SRFBP1: variants seen among roughly 807,000 people sequenced by gnomAD.
SRFBP1 encodes the protein serum response factor binding protein 1.
A neutral mutation model predicts 45.5 loss-of-function variants in SRFBP1; 47 were observed. That is an observed-to-expected ratio of 1.03 (90% CI 0.82 to 1.32). The LOEUF (loss-of-function observed/expected upper bound fraction) is 1.32, where lower values mean the gene tolerates loss of function less well. SRFBP1 is among the 40% of genes most tolerant of loss of function. The probability of loss-of-function intolerance (pLI) is 0.00; values close to 1 mark genes in which losing one functional copy is unlikely to be tolerated. For synonymous variants in SRFBP1, 203 were observed against 166.3 expected (o/e 1.22, Z -1.70); for missense variants, 621 against 484.6 (o/e 1.28, Z -2.64).
intron 2 of SRFBP1, among the ~76,000 whole-genome samples, chr5:122,054,212 G>A (rs945223173): frequency 2.6e-5 from 4 of 152,152 alleles, no homozygotes; most frequent in African/African-American, 9.7e-5. Flanking sequence ...CCTCAGTCTG[G>A]GAGTGTGGTA....
Position 122,020,159 on chromosome 5 carries a change from G to A in SRFBP1, c.424G>A (p.Asp142Asn). The A allele has an allele frequency of 6.2e-7, 1 of 1,607,668 alleles. No individual in the cohort carries two copies. The highest frequency in any genetic ancestry group is 1.1e-5 in the South Asian group (1 of 89,236). The change falls in exon 6 of 8, where the codon GAC becomes AAC. Residue 142 changes from aspartate (D) to asparagine (N), a missense_variant. Coordinates refer to ENST00000339397, the MANE Select transcript of SRFBP1 (RefSeq NM_152546.3). ...EVESSKNASE[D>N]NHSENTLYSN... ...TGAGTCATCAAAGAATGCTTCAGAG[G>A]ACAATCATTCTGAGAATACTTTGTA...
chr5:122,041,276 A>G (rs886805271), intron 2 of SRFBP1, among the ~76,000 whole-genome samples: 6 of 152,170 alleles, frequency 3.9e-5, no homozygotes, highest in Admixed American at 6.5e-5. Context: ...AGTATGGTAG[A>G]GTAATTGAAA....
At chr5:122,011,745 A>C (rs1447632878) in intron 4 of SRFBP1, among the ~76,000 whole-genome samples, 1 of 152,162 alleles carries the variant, frequency 6.6e-6, no homozygotes, top group East Asian at 1.9e-4. Flanking sequence ...TAAAGAGGGA[A>C]GAAGTTAAGT....
intron 4 of SRFBP1, among the ~76,000 whole-genome samples, chr5:122,014,869 G>T (rs1753166304): frequency 1.3e-5 from 2 of 152,168 alleles, no homozygotes; most frequent in South Asian, 4.1e-4. Flanking sequence ...GAAATACCCA[G>T]TTCAGCAAAG....
chr5:122,008,729 G>T (rs1753027772), intron 4 of SRFBP1, among the ~76,000 whole-genome samples: 1 of 152,032 alleles, frequency 6.6e-6, no homozygotes, highest in Non-Finnish European at 1.5e-5. Context: ...AGAGAGTCCT[G>T]TTCTGCCATC....
rs147890447 is a variant in SRFBP1 at position 122,034,300 on chromosome 5, TTATTA to T, written n.311+11898_311+11902del. Among the ~76,000 whole-genome samples the T allele has an allele frequency of 5.1e-3, 780 of 152,310 alleles. 18 individuals carry two copies. The East Asian group carries it at 0.053, about 10-fold the overall frequency. Reference sequence around the variant, plus strand: ...CCTGCCAGATTATTTTATGCTGTAATTATTATATTTATTACATTTAGTCTGTTTTT... The same window carrying T: ...CCTGCCAGATTATTTTATGCTGTAATTATTTATTACATTTAGTCTGTTTTT... On this transcript the variant is annotated intron_variant and non_coding_transcript_variant, in intron 2 of 2. Coordinates refer to the SRFBP1 transcript ENST00000504881.
downstream of SRFBP1, among the ~76,000 whole-genome samples, chr5:122,029,709 T>G (rs944808163): frequency 1.1e-4 from 17 of 152,338 alleles, no homozygotes; most frequent in Admixed American, 7.8e-4. Flanking sequence ...TCGTTTGTTT[T>G]TCTTCTGTCA....
chr5:122,050,229 G>A (rs1413384082), intron 2 of SRFBP1, among the ~76,000 whole-genome samples: 5 of 152,062 alleles, frequency 3.3e-5, no homozygotes, highest in East Asian at 1.9e-4. Context: ...TCTCTGCCAC[G>A]TTTTGATATC....
chr5:122,018,982 C>A (rs1203585963), intron 4 of SRFBP1, among the ~76,000 whole-genome samples: 1 of 151,988 alleles, frequency 6.6e-6, no homozygotes, highest in Non-Finnish European at 1.5e-5. Context: ...ACACATGGTG[C>A]TTATCACAAT....
chr5:122,020,054 T>C lies in SRFBP1; in HGVS notation c.353-34T>C, dbSNP rs756191869. 1.1e-5 allele frequency: 15 copies of C among 1,398,000 alleles called. No individual in the cohort carries two copies. The African/African-American group carries it at 1.7e-4, about 16-fold the overall frequency. The allele number at this position is 1,398,000 out of a possible 1,614,324, so 86.6% of individuals were successfully genotyped here. The stretch of plus-strand genomic sequence containing the variant: ...AACAGTCATGTTTTATATGTTTCAG[T>C]GCTAAAATGAGTGATGCACTGTTTC... On this transcript the variant is annotated intron_variant, in intron 5 of 7. Coordinates refer to ENST00000339397, the MANE Select transcript of SRFBP1 (RefSeq NM_152546.3).
intron 2 of SRFBP1, among the ~76,000 whole-genome samples, chr5:122,050,441 G>A (rs1024291049): frequency 6.6e-6 from 1 of 151,978 alleles, no homozygotes; most frequent in African/African-American, 2.4e-5. Flanking sequence ...GTCTATTCAG[G>A]GATTCAGCTT....
downstream of SRFBP1, chr5:122,077,784 G>A (rs2152591607): frequency 6.5e-7 from 1 of 1,548,988 alleles, no homozygotes. The surrounding 1 kb of genome is among the most constrained non-coding windows in gnomAD (Gnocchi z 4.9). Flanking sequence ...TCCCGGCGGC[G>A]CTGAGGCTGG....
At chr5:122,015,948 T>TC (rs1753186439) in intron 4 of SRFBP1, among the ~76,000 whole-genome samples, 1 of 152,296 alleles carries the variant, frequency 6.6e-6, no homozygotes, top group Non-Finnish European at 1.5e-5. Flanking sequence ...TCTCCTGATA[T>TC]CCCCCCTTCA....
rs1752759468 is a variant in SRFBP1, at chr5:121,997,635, C to A, written c.270+2965C>A. ...GACTTCATATCCAAAACACCAAAAGCAATGGCAACAAAAGACAAAATTGAC... is the reference window on the plus strand; with the variant it reads ...GACTTCATATCCAAAACACCAAAAGAAATGGCAACAAAAGACAAAATTGAC... On this transcript the variant is annotated intron_variant, in intron 4 of 7. Coordinates refer to ENST00000339397, the MANE Select transcript of SRFBP1 (RefSeq NM_152546.3). 2.6e-5 allele frequency among the ~76,000 whole-genome samples: 4 copies of A among 151,560 alleles called. No individual in the cohort carries two copies. The South Asian group carries it at 6.3e-4, about 24-fold the overall frequency.
chr5:122,054,236 G>C (rs1437338451), intron 2 of SRFBP1, among the ~76,000 whole-genome samples: 2 of 152,320 alleles, frequency 1.3e-5, no homozygotes, highest in East Asian at 3.9e-4. Flanking sequence ...GTTTCTGGGA[G>C]GTCCAGGGGG....
chr5:122,002,229 A>G (rs1267813601), intron 4 of SRFBP1, among the ~76,000 whole-genome samples: 2 of 152,198 alleles, frequency 1.3e-5, no homozygotes, highest in African/African-American at 2.4e-5. Context: ...GATTAACACA[A>G]TCAGCAAGTT....
At chr5:122,050,723 G>A (rs79019911) in intron 2 of SRFBP1, among the ~76,000 whole-genome samples, 480 of 151,980 alleles carry the variant, frequency 3.2e-3, no homozygotes, top group African/African-American at 0.011. Context: ...TGATCTTTTT[G>A]TATGATTTTT....
chr5:121,962,945 A>G (rs1360429212), intron 1 of SRFBP1, among the ~76,000 whole-genome samples: 1 of 152,248 alleles, frequency 6.6e-6, no homozygotes, highest in Non-Finnish European at 1.5e-5. Context: ...TAAGAGAGCT[A>G]AGCAACACTC....
At chr5:121,993,398 T>G (rs1752655744) in intron 3 of SRFBP1, among the ~76,000 whole-genome samples, 1 of 152,186 alleles carries the variant, frequency 6.6e-6, no homozygotes, top group African/African-American at 2.4e-5. Context: ...AATTGTCCTA[T>G]GACATCATCA....
Sources: allele counts gnomAD v4.1 joint callset (sites outside exome capture counted in the v4.1 genomes callset), GRCh38; gene constraint gnomAD v4.1.1; non-coding constraint Gnocchi (gnomAD v3.1); transcripts MANE v1.5; gene names NCBI Gene and HGNC (gene_info 2026-07-23, HGNC 2026-07-21).